The following PALLD variants were observed in gnomAD, a reference collection of about 807,000 sequenced individuals.
PALLD encodes the protein palladin, cytoskeletal associated protein.
In PALLD, 61 loss-of-function variants were observed where a neutral mutation model predicts 123.5. The ratio of observed to expected loss-of-function variants is 0.49; its 90% CI spans 0.40 to 0.61. The LOEUF (loss-of-function observed/expected upper bound fraction) is 0.61, where lower values mean the gene tolerates loss of function less well. PALLD is among the 20% of genes least tolerant of loss of function. The pLI is 0.00. For missense variants in PALLD, 1,273 were observed against 1,377.0 expected, an observed-to-expected ratio of 0.92 and a Z score of 1.20; for synonymous variants, 465 against 496.4, an observed-to-expected ratio of 0.94 and a Z score of 0.84.
intron 3 of PALLD, among the ~76,000 whole-genome samples, chr4:168,670,747 C>A (rs139102844): frequency 0.2 from 4,926 of 24,416 alleles, 220 homozygotes; most frequent in African/African-American, 0.38. Context: ...CTCAAAAAAA[C>A]AAAAAAAACA....
chr4:168,619,716 G>C (rs943541044), intron 2 of PALLD, among the ~76,000 whole-genome samples: 1 of 152,168 alleles, frequency 6.6e-6, no homozygotes, highest in African/African-American at 2.4e-5. Context: ...GAGCTCCAGG[G>C]TTATCTTACA....
intron 10 of PALLD, among the ~76,000 whole-genome samples, chr4:168,721,499 A>G (rs923923828): frequency 2.6e-5 from 4 of 152,238 alleles, no homozygotes; most frequent in Non-Finnish European, 5.9e-5. Context: ...TATATTATAT[A>G]TTAGAAGAAA....
intron 13 of PALLD, chr4:168,898,290 A>C (rs879822722): frequency 1.7e-6 from 1 of 600,868 alleles, no homozygotes. Context: ...GGATGATAGG[A>C]CTTGAAGACA....
chr4:168,667,899 A>T (rs1561370616), intron 2 of PALLD, among the ~76,000 whole-genome samples: 1 of 151,496 alleles, frequency 6.6e-6, no homozygotes, highest in Admixed American at 6.6e-5. Context: ...TTTATAAGAC[A>T]CTGAGTTTCT....
At chr4:168,841,810 A>G (rs906674144) in intron 10 of PALLD, among the ~76,000 whole-genome samples, 1 of 152,240 alleles carries the variant, frequency 6.6e-6, no homozygotes, top group African/African-American at 2.4e-5. Context: ...TGTTTGCTCA[A>G]TGTCATTTAG....
At chr4:168,705,433 A>G (rs1310527439) in intron 8 of PALLD, among the ~76,000 whole-genome samples, 1 of 152,110 alleles carries the variant, frequency 6.6e-6, no homozygotes, top group African/African-American at 2.4e-5. Flanking sequence ...ATCTCAAAAA[A>G]TTTTCTCGAC....
intron 10 of PALLD, among the ~76,000 whole-genome samples, chr4:168,876,450 C>G (rs563908976): frequency 6.6e-6 from 1 of 152,310 alleles, no homozygotes; most frequent in South Asian, 2.1e-4. Flanking sequence ...ATTTGATGCT[C>G]TGTACATATT....
chr4:168,841,563 G>C (rs772110032), intron 10 of PALLD, among the ~76,000 whole-genome samples: 10 of 152,166 alleles, frequency 6.6e-5, no homozygotes, highest in Non-Finnish European at 4.4e-5. Flanking sequence ...TGCAGCAGTG[G>C]GGTTGAGTAG....
intron 10 of PALLD, among the ~76,000 whole-genome samples, chr4:168,854,440 C>T (rs929318734): frequency 2.6e-5 from 4 of 152,124 alleles, no homozygotes; most frequent in South Asian, 2.1e-4. Flanking sequence ...AAAAATGTTT[C>T]CCAGATGTTC....
chr4:168,788,014 A>G (rs1375422301), intron 10 of PALLD, among the ~76,000 whole-genome samples: 2 of 152,238 alleles, frequency 1.3e-5, no homozygotes, highest in African/African-American at 4.8e-5. Context: ...TAAGTTGTTA[A>G]ACTGTAACTA....
chr4:168,590,020 T>A (rs1057462122), intron 2 of PALLD, among the ~76,000 whole-genome samples: 3 of 152,176 alleles, frequency 2.0e-5, no homozygotes, highest in African/African-American at 7.2e-5. Context: ...ACTTAAAAGT[T>A]CTTTTCTCAG....
At position 168,711,741 on chromosome 4, in the gene PALLD, G is replaced by T. The variant is rs140614801; in HGVS notation, c.1782G>T (p.Leu594=). 1.2e-6 allele frequency: 2 copies of T among 1,614,076 alleles called. No individual in the cohort carries two copies. Among genetic ancestry groups the T allele is most frequent in the African/African-American group, 2.7e-5 (2 of 74,924 alleles). The change falls in exon 10 of 22, where the codon CTG becomes CTT. Residue 594 remains leucine, a synonymous_variant. Transcript: ENST00000505667. ...IQQVNNPELG[L]SRAALQMQFN... is the part of the protein sequence containing the mutation. ...AGGTGAACAACCCTGAGTTAGGCCT[G>T]AGCAGGGCAGCCCTTCAAATGCAAT...
chr4:168,714,122 G>C (rs965688441), intron 10 of PALLD, among the ~76,000 whole-genome samples: 2 of 151,808 alleles, frequency 1.3e-5, no homozygotes, highest in Admixed American at 6.6e-5. Flanking sequence ...TTTAGAATAT[G>C]TTATTGGATT....
intron 2 of PALLD, among the ~76,000 whole-genome samples, chr4:168,646,931 A>G (rs2723703): frequency 0.2 from 29,927 of 152,164 alleles, 3,705 homozygotes; most frequent in African/African-American, 0.35. Context: ...TGATATCTCA[A>G]TCCTCAAAAC....
At chr4:168,694,544 T>C (rs1290934372) in intron 8 of PALLD, among the ~76,000 whole-genome samples, 3 of 151,806 alleles carry the variant, frequency 2.0e-5, no homozygotes, top group African/African-American at 7.2e-5. Context: ...TACTCTTCTC[T>C]TTACTCTCTT....
intron 3 of PALLD, among the ~76,000 whole-genome samples, chr4:168,677,393 A>G (rs1193863136): frequency 1.3e-5 from 2 of 152,166 alleles, no homozygotes; most frequent in Non-Finnish European, 2.9e-5. Flanking sequence ...TGCAAAAGCT[A>G]GCAAATGTGT....
Position 168,894,693 on chromosome 4 carries a change from G to A in PALLD, c.2199+16G>A, listed in dbSNP as rs1229622917. On this transcript the variant is annotated intron_variant, in intron 12 of 21. Coordinates refer to ENST00000505667, the MANE Select transcript of PALLD (RefSeq NM_001166108.2). ...AGCTAATCAGGTACCATGTTGCTCT[G>A]GACTTCTTAGGGTAACATTTATTCT... 6.2e-7 allele frequency: 1 copy of A among 1,610,298 alleles called. No homozygotes were observed. Among genetic ancestry groups the A allele is most frequent in the East Asian group, 2.2e-5 (1 of 44,648 alleles).
chr4:168,586,487 TG>T (rs755390647), intron 2 of PALLD, among the ~76,000 whole-genome samples: 1 of 152,148 alleles, frequency 6.6e-6, no homozygotes, highest in Non-Finnish European at 1.5e-5. Context: ...TTGGGAATTG[TG>T]GGAGGGAGAG....
chr4:168,664,443 C>A (rs1779425801), intron 2 of PALLD, among the ~76,000 whole-genome samples: 1 of 152,190 alleles, frequency 6.6e-6, no homozygotes, highest in African/African-American at 2.4e-5. Flanking sequence ...TCTTCAGCAA[C>A]CGCATATGGC....
Sources: gnomAD v4.1 joint callset for allele counts (sites outside exome capture counted in the v4.1 genomes callset) on GRCh38, gnomAD v4.1.1 for gene constraint, MANE v1.5 for transcripts, NCBI Gene and HGNC (gene_info 2026-07-23, HGNC 2026-07-21) for gene names.